TMEM217B: variants seen among roughly 807,000 people sequenced by gnomAD.
The protein encoded by TMEM217B is putative transmembrane protein 217B.
chr6:37,215,164 G>C, the TMEM217B span: 1 of 1,606,062 alleles, frequency 6.2e-7, no homozygotes, highest in Non-Finnish European at 8.5e-7. Flanking sequence ...GCTAGCCAAG[G>C]TCCTCTGGTA....
the TMEM217B span, among the ~76,000 whole-genome samples, chr6:37,225,380 A>C: frequency 6.6e-6 from 1 of 152,186 alleles, no homozygotes; most frequent in Non-Finnish European, 1.5e-5. Flanking sequence ...GTTTAAAAAA[A>C]ACAAGCTAGT....
the TMEM217B span, among the ~76,000 whole-genome samples, chr6:37,232,260 G>A: frequency 3.9e-5 from 6 of 152,214 alleles, no homozygotes; most frequent in Non-Finnish European, 7.3e-5. Flanking sequence ...CTGAAATAGC[G>A]AAAGTCAGGA....
chr6:37,244,681 A>T, the TMEM217B span, among the ~76,000 whole-genome samples: 1 of 152,246 alleles, frequency 6.6e-6, no homozygotes, highest in African/African-American at 2.4e-5. Flanking sequence ...TGTCACAATA[A>T]CATCACATAA....
chr6:37,241,523 G>A, the TMEM217B span, among the ~76,000 whole-genome samples: 1 of 152,108 alleles, frequency 6.6e-6, no homozygotes, highest in African/African-American at 2.4e-5. Flanking sequence ...AGAAGCAGGT[G>A]CTGGCAGGAT....
the TMEM217B span, among the ~76,000 whole-genome samples, chr6:37,257,399 A>T: frequency 5.3e-5 from 8 of 152,328 alleles, 1 homozygote; most frequent in African/African-American, 1.9e-4. Context: ...GAATTGAGAG[A>T]TGTTAAAAAT....
chr6:37,232,619 C>T, the TMEM217B span, among the ~76,000 whole-genome samples: 2 of 152,210 alleles, frequency 1.3e-5, no homozygotes, highest in Non-Finnish European at 1.5e-5. Context: ...TTCTCTGCAA[C>T]AGCTAGTCCA....
At chr6:37,238,833 A>T in the TMEM217B span, among the ~76,000 whole-genome samples, 91 of 152,350 alleles carry the variant, frequency 6.0e-4, no homozygotes, top group African/African-American at 2.2e-3. Context: ...ATATGATTTT[A>T]AAAAATCTAT....
At chr6:37,243,189 C>T in the TMEM217B span, among the ~76,000 whole-genome samples, 1 of 152,168 alleles carries the variant, frequency 6.6e-6, no homozygotes, top group African/African-American at 2.4e-5. Flanking sequence ...ATTAATTATT[C>T]CATCTTCTTT....
the TMEM217B span, among the ~76,000 whole-genome samples, chr6:37,224,968 C>T: frequency 6.6e-6 from 1 of 150,734 alleles, no homozygotes; most frequent in Non-Finnish European, 1.5e-5. Flanking sequence ...TGCTTGAGTA[C>T]AGGAGTTCGA....
the TMEM217B span, among the ~76,000 whole-genome samples, chr6:37,235,526 T>C: frequency 5.9e-5 from 9 of 152,104 alleles, no homozygotes. Flanking sequence ...CCACCACGCC[T>C]GGCTAATTTT....
At chr6:37,229,577 C>T in the TMEM217B span, among the ~76,000 whole-genome samples, 4 of 151,958 alleles carry the variant, frequency 2.6e-5, no homozygotes, top group Non-Finnish European at 5.9e-5. Context: ...CTCCTGACCT[C>T]GTGATCCACC....
At chr6:37,248,725 CT>C in the TMEM217B span, among the ~76,000 whole-genome samples, 1 of 152,146 alleles carries the variant, frequency 6.6e-6, no homozygotes. Context: ...GTGGTTGCCT[CT>C]GGGGAGCAGA....
At chr6:37,250,717 G>C in the TMEM217B span, among the ~76,000 whole-genome samples, 4 of 152,206 alleles carry the variant, frequency 2.6e-5, no homozygotes, top group South Asian at 2.1e-4. Context: ...ACACACACGT[G>C]TATGTATGTG....
the TMEM217B span, among the ~76,000 whole-genome samples, chr6:37,240,770 AAAAAC>A: frequency 3.4e-4 from 52 of 152,368 alleles, no homozygotes; most frequent in African/African-American, 1.2e-3. Flanking sequence ...AAAAAGACAT[AAAAAC>A]AAAACATCAA....
the TMEM217B span, among the ~76,000 whole-genome samples, chr6:37,249,303 T>C: frequency 6.7e-6 from 1 of 149,518 alleles, no homozygotes; most frequent in Non-Finnish European, 1.5e-5. Context: ...TTTCTTTTCA[T>C]TCTTCTTCTT....
chr6:37,253,350 T>G, the TMEM217B span, among the ~76,000 whole-genome samples: 3 of 152,240 alleles, frequency 2.0e-5, no homozygotes, highest in Non-Finnish European at 1.5e-5. Flanking sequence ...TTGCCAGGTA[T>G]GGTGACTTCT....
the TMEM217B span, among the ~76,000 whole-genome samples, chr6:37,248,675 G>T: frequency 2.6e-5 from 4 of 152,158 alleles, no homozygotes; most frequent in African/African-American, 9.7e-5. Context: ...GTCTCTTTAA[G>T]AATATCTCTA....
chr6:37,223,282 G>A, the TMEM217B span, among the ~76,000 whole-genome samples: 12 of 151,524 alleles, frequency 7.9e-5, no homozygotes, highest in Non-Finnish European at 1.2e-4. Context: ...ATTGCTAGAA[G>A]GATAAATGAA....
the TMEM217B span, among the ~76,000 whole-genome samples, chr6:37,234,301 T>C: frequency 6.6e-6 from 1 of 152,156 alleles, no homozygotes; most frequent in Non-Finnish European, 1.5e-5. Context: ...GGTTTCTCCA[T>C]GTTGGCCAGG....
Sources: allele counts gnomAD v4.1 joint callset (sites outside exome capture counted in the v4.1 genomes callset), GRCh38; gene constraint gnomAD v4.1.1; transcripts MANE v1.5; gene names NCBI Gene and HGNC (gene_info 2026-07-23, HGNC 2026-07-21).